MUCL1: variants seen among roughly 807,000 people sequenced by gnomAD.
The protein encoded by MUCL1 is mucin-like protein 1.
In MUCL1, 11 loss-of-function variants were observed where a neutral mutation model predicts 9.2. That is an observed-to-expected ratio of 1.19 (90% CI 0.75 to 1.97). The LOEUF (loss-of-function observed/expected upper bound fraction) is 1.97. MUCL1 is among the 30% of genes most tolerant of loss of function. The probability of loss-of-function intolerance (pLI) is 0.00; values close to 1 mark genes in which losing one functional copy is unlikely to be tolerated. For missense variants in MUCL1, 144 were observed against 110.9 expected, an observed-to-expected ratio of 1.30 and a Z score of -1.34; for synonymous variants, 48 against 40.5, an observed-to-expected ratio of 1.19 and a Z score of -0.71.
chr12:54,839,571 C>T (rs1258637425), intron 1 of MUCL1: 7 of 689,342 alleles, frequency 1.0e-5, no homozygotes, highest in South Asian at 3.0e-5. Context: ...ACCTCATCCT[C>T]CTGTCAAGTC....
chr12:54,831,088 A>G (rs1592243950), intron 1 of MUCL1, among the ~76,000 whole-genome samples: 1 of 152,178 alleles, frequency 6.6e-6, no homozygotes, highest in East Asian at 1.9e-4. Flanking sequence ...TAAACCAGAG[A>G]GTTTTGTATT....
In MUCL1 at chr12:54,858,000, A is replaced by G. The variant is rs2168139; in HGVS notation, c.224-193A>G. Reference sequence around the variant, plus strand: ...TCCAACCTACCTGGGCTTCCGTCTAAGGCTATATTTCCAAAATCTTTAAGG... The same window carrying G: ...TCCAACCTACCTGGGCTTCCGTCTAGGGCTATATTTCCAAAATCTTTAAGG... On this transcript the variant is annotated intron_variant, in intron 3 of 3. Coordinates refer to ENST00000308796, the MANE Select transcript of MUCL1 (RefSeq NM_058173.3). Among the ~76,000 whole-genome samples the G allele has an allele frequency of 0.068, 10,344 of 152,210 alleles. 392 individuals are homozygous for G. The highest frequency in any genetic ancestry group is 0.14 in the Middle Eastern group (40 of 294).
intron 1 of MUCL1, among the ~76,000 whole-genome samples, chr12:54,831,411 C>A (rs1156604004): frequency 6.6e-6 from 1 of 152,070 alleles, no homozygotes; most frequent in Non-Finnish European, 1.5e-5. Flanking sequence ...TTAGTAAAAA[C>A]AGCTGTGTTC....
At chr12:54,850,309 C>A (rs12422500), upstream of MUCL1, among the ~76,000 whole-genome samples, 51,810 of 132,458 alleles carry the variant, frequency 0.39, 10,978 homozygotes, top group East Asian at 0.83. Context: ...TCCCTCCCCC[C>A]TCCCCCCACC....
At chr12:54,847,520 C>A (rs1038380171) in intron 1 of MUCL1, among the ~76,000 whole-genome samples, 3 of 152,152 alleles carry the variant, frequency 2.0e-5, no homozygotes, top group African/African-American at 7.2e-5. Flanking sequence ...GAGGCTAAGG[C>A]AGGAGAATTG....
At chr12:54,840,634 C>T (rs2168141) in intron 1 of MUCL1, among the ~76,000 whole-genome samples, 54,313 of 152,044 alleles carry the variant, frequency 0.36, 11,630 homozygotes, top group East Asian at 0.83. Context: ...GGGGAAAAGC[C>T]AGGTTATGGC....
At chr12:54,842,272 G>A (rs138529428) in intron 1 of MUCL1, among the ~76,000 whole-genome samples, 238 of 151,556 alleles carry the variant, frequency 1.6e-3, no homozygotes, top group African/African-American at 5.1e-3. Flanking sequence ...AAAAATTCTA[G>A]TTGTTTGCTG....
upstream of MUCL1, among the ~76,000 whole-genome samples, chr12:54,852,518 A>G (rs974416679): frequency 6.6e-6 from 1 of 152,242 alleles, no homozygotes; most frequent in African/African-American, 2.4e-5. Context: ...AAGATGAAAA[A>G]CTACTCATAT....
At chr12:54,842,424 G>A (rs1011847654) in intron 1 of MUCL1, among the ~76,000 whole-genome samples, 1 of 152,058 alleles carries the variant, frequency 6.6e-6, no homozygotes, top group Non-Finnish European at 1.5e-5. Flanking sequence ...TGTACAACAT[G>A]TTTTGAAATT....
At chr12:54,845,821 A>C (rs541667014) in intron 1 of MUCL1, among the ~76,000 whole-genome samples, 1 of 152,234 alleles carries the variant, frequency 6.6e-6, no homozygotes, top group Non-Finnish European at 1.5e-5. Flanking sequence ...TACAGTTTTC[A>C]ATTTTAGTAA....
chr12:54,831,108 T>C (rs1959184858), intron 1 of MUCL1, among the ~76,000 whole-genome samples: 1 of 152,206 alleles, frequency 6.6e-6, no homozygotes, highest in Non-Finnish European at 1.5e-5. Context: ...TACTAACTTA[T>C]GGCTAAACTT....
chr12:54,856,636 T>C (rs773247726), intron 2 of MUCL1, 134 bp from the exon 3 acceptor site: 52 of 1,226,462 alleles, frequency 4.2e-5, no homozygotes, highest in Non-Finnish European at 5.9e-5. Flanking sequence ...GCAGGTAGGC[T>C]AAAGGTAAGA....
At chr12:54,836,245 T>C (rs908867959), upstream of MUCL1, among the ~76,000 whole-genome samples, 4 of 152,188 alleles carry the variant, frequency 2.6e-5, no homozygotes, top group African/African-American at 9.6e-5. Flanking sequence ...TGGCAACTTT[T>C]AAATTACTAA....
chr12:54,854,380 G>A, upstream of MUCL1: 2 of 548,698 alleles, frequency 3.6e-6, no homozygotes, highest in South Asian at 2.5e-5. Context: ...TTTCCAAAGG[G>A]CCCCTGGCTG....
chr12:54,848,414 C>A (rs937037590), intron 1 of MUCL1, among the ~76,000 whole-genome samples: 7 of 151,804 alleles, frequency 4.6e-5, no homozygotes, highest in Non-Finnish European at 1.0e-4. Flanking sequence ...TATAAGATGA[C>A]CCAGCTGTGT....
chr12:54,837,442 C>T (rs1439128457), upstream of MUCL1, among the ~76,000 whole-genome samples: 1 of 151,904 alleles, frequency 6.6e-6, no homozygotes, highest in Non-Finnish European at 1.5e-5. Context: ...TGTGGAATAT[C>T]GTTTTCCACC....
intron 3 of MUCL1, among the ~76,000 whole-genome samples, chr12:54,857,099 T>C (rs995400940): frequency 6.6e-6 from 1 of 152,172 alleles, no homozygotes. Context: ...CAATATTACC[T>C]GAATGGATCT....
upstream of MUCL1, among the ~76,000 whole-genome samples, chr12:54,849,770 T>C (rs185514271): frequency 1.2e-3 from 176 of 152,310 alleles, 1 homozygote; most frequent in African/African-American, 4.2e-3. Flanking sequence ...TTTTATATAC[T>C]CACATATGAT....
chr12:54,851,299 C>A (rs150117739), upstream of MUCL1, among the ~76,000 whole-genome samples: 527 of 152,230 alleles, frequency 3.5e-3, 5 homozygotes, highest in African/African-American at 0.012. Flanking sequence ...TTAGGTCTAA[C>A]ATGTAAGTCT....
Sources: gnomAD v4.1 joint callset for allele counts (sites outside exome capture counted in the v4.1 genomes callset) on GRCh38, gnomAD v4.1.1 for gene constraint, MANE v1.5 for transcripts, NCBI Gene and HGNC (gene_info 2026-07-23, HGNC 2026-07-21) for gene names.